The following ANK2 variants were observed in gnomAD, a reference collection of about 807,000 sequenced individuals.
The protein encoded by ANK2 is ankyrin 2, also known as ankyrin-2.
In ANK2, 83 loss-of-function variants were observed where a neutral mutation model predicts 360.5. The observed-to-expected ratio is 0.23, with a 90% CI of 0.19 to 0.28. The LOEUF (loss-of-function observed/expected upper bound fraction) is 0.28. Among genes scored for constraint, ANK2 ranks in the 10% least tolerant of loss-of-function variants. ANK2 has a pLI of 1.00. For missense variants in ANK2, 4,201 were observed against 4,795.7 expected, an observed-to-expected ratio of 0.88 and a Z score of 3.66; for synonymous variants, 1,740 against 1,759.5, an observed-to-expected ratio of 0.99 and a Z score of 0.28.
At chr4:113,377,610 A>G (rs2096997414) in intron 45 of ANK2, among the ~76,000 whole-genome samples, 1 of 152,186 alleles carries the variant, frequency 6.6e-6, no homozygotes, top group African/African-American at 2.4e-5. Flanking sequence ...CCTCTACTAT[A>G]CCCATAATAT....
At chr4:112,814,437 T>G (rs67892808), upstream of ANK2, among the ~76,000 whole-genome samples, 6,929 of 39,380 alleles carry the variant, frequency 0.18, 406 homozygotes, top group East Asian at 0.43. Flanking sequence ...TTTTTTGTTT[T>G]TTTGTTTGTT....
chr4:112,957,759 G>A (rs1432420341), intron 2 of ANK2, among the ~76,000 whole-genome samples: 4 of 150,990 alleles, frequency 2.6e-5, no homozygotes, highest in Admixed American at 6.6e-5. Context: ...CTTCCCAGAC[G>A]GGGTGGCTGC....
the ANK2 span, among the ~76,000 whole-genome samples, chr4:112,757,026 C>T: frequency 6.6e-6 from 1 of 151,622 alleles, no homozygotes; most frequent in Non-Finnish European, 1.5e-5. Flanking sequence ...TCATGAGTGC[C>T]ATCACTTAAA....
At chr4:112,732,011 A>G in the ANK2 span, among the ~76,000 whole-genome samples, 1 of 152,164 alleles carries the variant, frequency 6.6e-6, no homozygotes, top group Non-Finnish European at 1.5e-5. Context: ...AGCTCACAAG[A>G]GCCAATGGTT....
intron 2 of ANK2, chr4:112,980,264 C>T (rs1045577432): frequency 6.6e-6 from 1 of 152,442 alleles, no homozygotes; most frequent in African/African-American, 2.4e-5. Context: ...GAGGGGGCGC[C>T]GAGAGTGGGG....
intron 2 of ANK2, among the ~76,000 whole-genome samples, chr4:112,983,677 GA>G (rs34272455): frequency 0.36 from 52,987 of 147,894 alleles, 10,091 homozygotes; most frequent in African/African-American, 0.52. Context: ...CTCCGTCTCA[GA>G]AAAAAAAAAA....
intron 4 of ANK2, among the ~76,000 whole-genome samples, chr4:113,203,070 A>G (rs1043966943): frequency 6.6e-6 from 1 of 152,168 alleles, no homozygotes; most frequent in African/African-American, 2.4e-5. Context: ...TTAGAAGTCA[A>G]AATCATAGAG....
intron 39 of ANK2, among the ~76,000 whole-genome samples, chr4:113,361,767 A>G (rs2096241647): frequency 6.6e-6 from 1 of 152,072 alleles, no homozygotes; most frequent in Admixed American, 6.6e-5. Context: ...TCGGGGTTTT[A>G]GGGGAGAGAA....
intron 1 of ANK2, among the ~76,000 whole-genome samples, chr4:113,089,286 G>A (rs891606583): frequency 6.6e-6 from 1 of 152,150 alleles, no homozygotes; most frequent in Non-Finnish European, 1.5e-5. Flanking sequence ...TTAACACATT[G>A]TGTTATGTTG....
At chr4:112,944,622 T>C (rs116318414) in intron 2 of ANK2, among the ~76,000 whole-genome samples, 1,894 of 152,256 alleles carry the variant, frequency 0.012, 38 homozygotes, top group African/African-American at 0.043. Flanking sequence ...GGTGGATATC[T>C]AGGGTTTGAT....
intron 4 of ANK2, among the ~76,000 whole-genome samples, chr4:113,199,727 T>C (rs1016411453): frequency 6.6e-6 from 1 of 152,180 alleles, no homozygotes; most frequent in African/African-American, 2.4e-5. Context: ...TATTATATCA[T>C]GTACGCATGT....
chr4:113,374,678 G>T lies in ANK2; in HGVS notation c.11859+1229G>T, dbSNP rs1056770079. 4.9e-5 allele frequency: 43 copies of T among 884,646 alleles called. No homozygotes were observed. The African/African-American group carries it at 7.3e-4, about 15-fold the overall frequency. The allele number at this position is 884,646 out of a possible 1,614,324, so 54.8% of individuals were successfully genotyped here. A position where few individuals can be genotyped will look rare whatever the true frequency, so the allele number is the denominator to read the frequency against. On this transcript the variant is annotated intron_variant, in intron 45 of 45. Coordinates refer to ENST00000357077, the MANE Select transcript of ANK2 (RefSeq NM_001148.6). ...AGCCAGTATGTAACTTTATAGTTTT[G>T]TCCTTTGTTTTTTAACATAGAAAAA... is the stretch of plus-strand genomic sequence containing the variant.
chr4:113,363,920 TA>T (rs1193235080), intron 40 of ANK2, among the ~76,000 whole-genome samples: 19 of 152,158 alleles, frequency 1.2e-4, no homozygotes, highest in African/African-American at 4.3e-4. Flanking sequence ...CTGAACTGAA[TA>T]AGGGGATTGG....
At chr4:112,719,440 A>G in the ANK2 span, among the ~76,000 whole-genome samples, 1 of 152,102 alleles carries the variant, frequency 6.6e-6, no homozygotes, top group East Asian at 1.9e-4. Flanking sequence ...TAAAGAAGGT[A>G]TAATTCGGCC....
chr4:112,824,559 C>T (rs1186089822), intron 1 of ANK2, among the ~76,000 whole-genome samples: 1 of 149,296 alleles, frequency 6.7e-6, no homozygotes, highest in Non-Finnish European at 1.5e-5. Context: ...GGCTGGAGTG[C>T]AGTGGTGCGA....
At chr4:113,234,796 A>G (rs182952603) in intron 5 of ANK2, among the ~76,000 whole-genome samples, 2 of 152,346 alleles carry the variant, frequency 1.3e-5, no homozygotes, top group African/African-American at 4.8e-5. Flanking sequence ...AAATATTTGA[A>G]GTTTTTAAAT....
chr4:113,381,395 TC>T, intron 45 of ANK2, 61 bp from the exon 46 acceptor site: 1 of 1,589,772 alleles, frequency 6.3e-7, no homozygotes. Flanking sequence ...TCACCTTCAT[TC>T]CTAACAGCTG....
At chr4:113,287,527 T>A in intron 18 of ANK2, 78 bp from the exon 19 acceptor site, 2 of 1,122,964 alleles carry the variant, frequency 1.8e-6, no homozygotes, top group Non-Finnish European at 2.7e-6. Flanking sequence ...ATATTTTCAA[T>A]ATTTTTTCAT....
At chr4:113,155,094 A>G (rs1208046959) in intron 1 of ANK2, among the ~76,000 whole-genome samples, 1 of 152,350 alleles carries the variant, frequency 6.6e-6, no homozygotes, top group East Asian at 1.9e-4. Context: ...ATTATCATCA[A>G]TAATAGCTAT....
Sources: allele counts gnomAD v4.1 joint callset (sites outside exome capture counted in the v4.1 genomes callset), GRCh38; gene constraint gnomAD v4.1.1; transcripts MANE v1.5; gene names NCBI Gene and HGNC (gene_info 2026-07-23, HGNC 2026-07-21).